The following RAB27B variants were observed in gnomAD, a reference collection of about 807,000 sequenced individuals.
The protein encoded by RAB27B is RAB27B, member RAS oncogene family, also known as ras-related protein Rab-27B.
A neutral mutation model predicts 24.6 loss-of-function variants in RAB27B; 15 were observed. The observed-to-expected ratio is 0.61, with a 90% CI of 0.41 to 0.94. RAB27B has a LOEUF of 0.94. Ranked by LOEUF, RAB27B falls within the 40% of genes least tolerant of loss-of-function variation. RAB27B has a pLI of 0.00. For synonymous variants in RAB27B, 105 were observed against 92.5 expected, an observed-to-expected ratio of 1.14 and a Z score of -0.78; for missense variants, 261 against 266.8, an observed-to-expected ratio of 0.98 and a Z score of 0.15.
At chr18:54,879,542 A>G in intron 3 of RAB27B, 88 bp downstream of exon 3, 2 of 1,065,130 alleles carry the variant, frequency 1.9e-6, no homozygotes, top group Non-Finnish European at 2.9e-6. Context: ...TGAAAAACAA[A>G]TAATATTCAA....
chr18:54,825,476 T>A (rs1397223126), upstream of RAB27B, among the ~76,000 whole-genome samples: 3 of 151,894 alleles, frequency 2.0e-5, 1 homozygote, highest in East Asian at 5.8e-4. Flanking sequence ...TTAGTCAGAA[T>A]TTTTTTCCAT....
chr18:54,757,272 A>G (rs772312806), intron 2 of RAB27B, among the ~76,000 whole-genome samples: 5 of 152,212 alleles, frequency 3.3e-5, no homozygotes, highest in East Asian at 1.9e-4. Flanking sequence ...GCCAGTATCA[A>G]AGAAAGTCAG....
At chr18:54,869,396 T>C (rs1912376008) in intron 1 of RAB27B, among the ~76,000 whole-genome samples, 1 of 152,250 alleles carries the variant, frequency 6.6e-6, no homozygotes, top group Admixed American at 6.5e-5. Context: ...ACACTGATTA[T>C]AAAACATTAT....
chr18:54,873,284 AC>A (rs1912550559), intron 1 of RAB27B, among the ~76,000 whole-genome samples: 1 of 151,502 alleles, frequency 6.6e-6, no homozygotes, highest in South Asian at 2.1e-4. Context: ...TCTTTTCCCT[AC>A]TCTTTTTAGC....
At chr18:54,772,978 T>G (rs752904928) in intron 2 of RAB27B, among the ~76,000 whole-genome samples, 5 of 152,224 alleles carry the variant, frequency 3.3e-5, no homozygotes, top group Non-Finnish European at 7.3e-5. Context: ...CATGACTGTG[T>G]TTACATGCAC....
chr18:54,864,987 T>C (rs1912153441), intron 1 of RAB27B, among the ~76,000 whole-genome samples: 4 of 152,118 alleles, frequency 2.6e-5, no homozygotes, highest in Admixed American at 2.6e-4. Flanking sequence ...TGTTGTGGCA[T>C]TGTTTTAAAG....
chr18:54,853,513 A>G (rs937308398), intron 1 of RAB27B, among the ~76,000 whole-genome samples: 3 of 152,218 alleles, frequency 2.0e-5, no homozygotes, highest in African/African-American at 7.2e-5. Context: ...CAGAATTCAA[A>G]AGATAATGCT....
intron 2 of RAB27B, among the ~76,000 whole-genome samples, chr18:54,724,054 G>A (rs1909450109): frequency 6.9e-6 from 1 of 143,898 alleles, no homozygotes; most frequent in Non-Finnish European, 1.6e-5. Flanking sequence ...TTCATATTTG[G>A]TTTTTCAAAT....
rs1912361826 is a variant in RAB27B at position 54,869,021 on chromosome 18, A to C, written c.-19-8546A>C. ...CCTGATCATTTTCTCATCTGAAGAC[A>C]AAAGCCTAAATTGTTTTAACTAACC... is the stretch of plus-strand genomic sequence containing the variant. On this transcript the variant is annotated intron_variant, in intron 1 of 5. Transcript: ENST00000262094. 2.0e-5 allele frequency among the ~76,000 whole-genome samples: 3 copies of C among 152,212 alleles called. No homozygotes were observed. In the South Asian group the frequency reaches 6.2e-4, roughly 31 times the overall value.
chr18:54,740,677 A>G lies in RAB27B; in HGVS notation c.-20+22536A>G, dbSNP rs372541613. ...TCTAATTAGTTAGATCTAGGTATAC[A>G]TGCTGGATCAGCAACTTTGGCAAGT... On this transcript the variant is annotated intron_variant, in intron 2 of 4. Transcript: ENST00000586570. Among the ~76,000 whole-genome samples the G allele has an allele frequency of 3.2e-4, 49 of 152,328 alleles. No homozygotes were observed. In the East Asian group the frequency reaches 7.3e-3, roughly 23 times the overall value.
intron 2 of RAB27B, among the ~76,000 whole-genome samples, chr18:54,742,452 A>G (rs1910099106): frequency 6.6e-6 from 1 of 152,186 alleles, no homozygotes; most frequent in Non-Finnish European, 1.5e-5. Flanking sequence ...GGCAGGAGGA[A>G]GTTGGGGTCA....
chr18:54,824,493 G>A (rs544761518), upstream of RAB27B, among the ~76,000 whole-genome samples: 1 of 152,336 alleles, frequency 6.6e-6, no homozygotes, highest in South Asian at 2.1e-4. Flanking sequence ...TCAGGTTCAT[G>A]ACTTTTCATC....
chr18:54,766,887 C>T (rs184571327), intron 2 of RAB27B, among the ~76,000 whole-genome samples: 1 of 152,278 alleles, frequency 6.6e-6, no homozygotes, highest in Admixed American at 6.5e-5. Context: ...ATCACTAATG[C>T]ATTGTAATGT....
At chr18:54,778,435 C>T (rs1035866303) in intron 2 of RAB27B, among the ~76,000 whole-genome samples, 4 of 152,170 alleles carry the variant, frequency 2.6e-5, no homozygotes, top group African/African-American at 9.7e-5. Context: ...AATTAATTAG[C>T]CCTGTGAACC....
intron 2 of RAB27B, among the ~76,000 whole-genome samples, chr18:54,722,697 C>T (rs548645378): frequency 3.9e-5 from 6 of 152,154 alleles, no homozygotes; most frequent in African/African-American, 1.4e-4. Flanking sequence ...ATCTCATAGG[C>T]GTGCAGCCAT....
chr18:54,809,956 ATAAT>A (rs1207151483), intron 2 of RAB27B, among the ~76,000 whole-genome samples: 2 of 152,224 alleles, frequency 1.3e-5, no homozygotes, highest in African/African-American at 4.8e-5. Flanking sequence ...AAGAATTTAA[ATAAT>A]CATAATTTTA....
chr18:54,810,715 A>G (rs1909933461), intron 2 of RAB27B, among the ~76,000 whole-genome samples: 1 of 152,012 alleles, frequency 6.6e-6, no homozygotes, highest in Non-Finnish European at 1.5e-5. Flanking sequence ...CTGTAATCTC[A>G]GCTGCTTGGG....
At chr18:54,805,463 G>A (rs1184250862) in intron 2 of RAB27B, among the ~76,000 whole-genome samples, 2 of 151,992 alleles carry the variant, frequency 1.3e-5, no homozygotes, top group African/African-American at 4.8e-5. Flanking sequence ...AAATGTCAGG[G>A]TACTTTCTAG....
chr18:54,842,856 G>A (rs9944998), intron 1 of RAB27B, among the ~76,000 whole-genome samples: 192 of 152,126 alleles, frequency 1.3e-3, no homozygotes, highest in African/African-American at 4.5e-3. Context: ...GTGCAGTGGC[G>A]GGATCTCGGC....
Sources: allele counts gnomAD v4.1 joint callset (sites outside exome capture counted in the v4.1 genomes callset), GRCh38; gene constraint gnomAD v4.1.1; transcripts MANE v1.5; gene names NCBI Gene and HGNC (gene_info 2026-07-23, HGNC 2026-07-21).